Variants in IQCJ observed in about 807,000 individuals in gnomAD.
IQCJ encodes the protein IQ domain-containing protein J.
Under a neutral mutation model 11.0 loss-of-function variants are expected in IQCJ, and 9 were observed. The observed-to-expected ratio is 0.82, with a 90% confidence interval of 0.49 to 1.43. IQCJ has a LOEUF of 1.43. IQCJ is among the 40% of genes most tolerant of loss of function. The probability of loss-of-function intolerance (pLI) is 0.00; values close to 1 mark genes in which losing one functional copy is unlikely to be tolerated. For synonymous variants in IQCJ, 55 were observed against 51.3 expected (o/e 1.07, Z -0.31); for missense variants, 146 against 133.2 (o/e 1.10, Z -0.47).
intron 1 of IQCJ, among the ~76,000 whole-genome samples, chr3:159,159,891 C>T (rs1409414445): frequency 6.6e-6 from 1 of 151,654 alleles, no homozygotes; most frequent in Non-Finnish European, 1.5e-5. Flanking sequence ...TCCCACCTTC[C>T]CACCATGATT....
At chr3:159,166,096 G>A (rs542653525) in intron 1 of IQCJ, among the ~76,000 whole-genome samples, 2 of 151,714 alleles carry the variant, frequency 1.3e-5, no homozygotes, top group South Asian at 2.1e-4. Context: ...AATCCTAACA[G>A]ATTCATGCAA....
At chr3:159,201,831 G>A (rs915084718) in intron 1 of IQCJ, among the ~76,000 whole-genome samples, 1 of 151,804 alleles carries the variant, frequency 6.6e-6, no homozygotes, top group Middle Eastern at 3.2e-3. Flanking sequence ...TGTTGTTGTT[G>A]TTACTCTTTT....
intron 1 of IQCJ, among the ~76,000 whole-genome samples, chr3:159,240,229 A>G (rs546788853): frequency 1.6e-4 from 24 of 152,302 alleles, no homozygotes; most frequent in Non-Finnish European, 2.8e-4. Flanking sequence ...TCTATCTATC[A>G]TCTATCATCT....
intron 1 of IQCJ, among the ~76,000 whole-genome samples, chr3:159,218,930 T>A (rs1725386016): frequency 6.6e-6 from 1 of 152,060 alleles, no homozygotes; most frequent in Non-Finnish European, 1.5e-5. Context: ...CCCCAGCATG[T>A]CTTGGTTTAT....
intron 1 of IQCJ, among the ~76,000 whole-genome samples, chr3:159,072,224 TG>T (rs1162965895): frequency 2.6e-5 from 4 of 152,106 alleles, no homozygotes; most frequent in East Asian, 3.9e-4. Context: ...ACAAAATCCT[TG>T]GGAGCATTTT....
At chr3:159,215,329 A>C (rs1260017922) in intron 1 of IQCJ, among the ~76,000 whole-genome samples, 2 of 152,142 alleles carry the variant, frequency 1.3e-5, no homozygotes, top group African/African-American at 4.8e-5. Context: ...ACTAGGGAGG[A>C]CACCTTTACC....
At chr3:159,204,635 G>A (rs1338173679) in intron 1 of IQCJ, among the ~76,000 whole-genome samples, 1 of 152,212 alleles carries the variant, frequency 6.6e-6, no homozygotes, top group Non-Finnish European at 1.5e-5. Context: ...ATTGGCCCAG[G>A]TTCTTGGAGA....
intron 1 of IQCJ, among the ~76,000 whole-genome samples, chr3:159,156,168 C>T (rs1721509869): frequency 6.6e-6 from 1 of 152,064 alleles, no homozygotes; most frequent in Non-Finnish European, 1.5e-5. Context: ...TTTCTTAAGC[C>T]CTGCTATGTG....
At chr3:159,246,822 T>C (rs1727300691) in intron 2 of IQCJ, among the ~76,000 whole-genome samples, 1 of 152,192 alleles carries the variant, frequency 6.6e-6, no homozygotes, top group African/African-American at 2.4e-5. Context: ...AAAGAGAGGC[T>C]AAGTTGCTCT....
chr3:159,236,636 A>G (rs912515312), intron 1 of IQCJ, among the ~76,000 whole-genome samples: 4 of 152,198 alleles, frequency 2.6e-5, no homozygotes, highest in Non-Finnish European at 5.9e-5. Context: ...AGCATCATTT[A>G]CAGCCACTGA....
At chr3:159,163,005 C>T (rs918346983) in intron 1 of IQCJ, among the ~76,000 whole-genome samples, 2 of 152,194 alleles carry the variant, frequency 1.3e-5, no homozygotes, top group African/African-American at 4.8e-5. Context: ...CAAGGAGGAA[C>T]TGGTACCATT....
chr3:159,074,796 A>G lies in IQCJ; in HGVS notation c.9+5355A>G, dbSNP rs1399036174. The stretch of plus-strand genomic sequence containing the variant: ...TTCTTACAGCCAGTTTGAGTAACGA[A>G]TTATTATTATATTTTATTTTTTAAG... On this transcript the variant is annotated intron_variant, in intron 1 of 3. Coordinates refer to ENST00000397832, the MANE Select transcript of IQCJ (RefSeq NM_001042706.3). Among the ~76,000 whole-genome samples the G allele has an allele frequency of 2.6e-5, 4 of 152,090 alleles. No individual in the cohort carries two copies. The South Asian group carries it at 8.3e-4, about 31-fold the overall frequency.
chr3:159,253,598 C>G lies in IQCJ; in HGVS notation c.155+791C>G, dbSNP rs186702062. On this transcript the variant is annotated intron_variant, in intron 3 of 3. Transcript: ENST00000397832. ...TGTATATTTAATCTCTCTCCCCACC[C>G]TCTCCCTCACAAACACACACACACA... is the stretch of plus-strand genomic sequence containing the variant. Among the ~76,000 whole-genome samples, 147 of 121,686 alleles carry G rather than the reference C, an allele frequency of 1.2e-3. 2 individuals carry two copies. The highest frequency in any genetic ancestry group is 6.8e-4 in the Non-Finnish European group (39 of 56,972). The allele number at this position is 121,686 out of a possible 152,430, so 79.8% of individuals were successfully genotyped here. A position where few individuals can be genotyped will look rare whatever the true frequency, so the allele number is the denominator to read the frequency against.
rs1577063063 is a variant in IQCJ, at chr3:159,178,830, T to C, written c.10-67013T>C. Among the ~76,000 whole-genome samples the C allele has an allele frequency of 3.3e-5, 5 of 152,156 alleles. No homozygotes were observed. The South Asian group carries it at 1.0e-3, about 32-fold the overall frequency. ...CAGAGGGGTCATAAGTTGTCCAAGT[T>C]GCTCAACAGGAAAAAGATACAATCA... On this transcript the variant is annotated intron_variant, in intron 1 of 3. Coordinates refer to ENST00000397832, the MANE Select transcript of IQCJ (RefSeq NM_001042706.3).
At chr3:159,210,482 G>C (rs1433498500) in intron 1 of IQCJ, among the ~76,000 whole-genome samples, 1 of 152,102 alleles carries the variant, frequency 6.6e-6, no homozygotes, top group Non-Finnish European at 1.5e-5. Flanking sequence ...GTGTGTAATG[G>C]TAAGGAATGG....
At chr3:159,214,680 A>G (rs1041174865) in intron 1 of IQCJ, among the ~76,000 whole-genome samples, 9 of 152,082 alleles carry the variant, frequency 5.9e-5, no homozygotes, top group African/African-American at 1.4e-4. Context: ...GGCCCTTTCC[A>G]TCTTAGCACC....
intron 1 of IQCJ, among the ~76,000 whole-genome samples, chr3:159,208,398 A>G (rs142753195): frequency 1.3e-5 from 2 of 152,042 alleles, no homozygotes; most frequent in East Asian, 3.9e-4. Flanking sequence ...TGGTCTGCCC[A>G]CACTCTGCCC....
At chr3:159,069,666 G>A (rs552757613) in intron 1 of IQCJ, 9 of 633,774 alleles carry the variant, frequency 1.4e-5, no homozygotes, top group African/African-American at 7.3e-5. Flanking sequence ...ACATGTGTCT[G>A]TGCGGACAGA....
chr3:159,087,407 T>C (rs1036462218), intron 1 of IQCJ, among the ~76,000 whole-genome samples: 6 of 146,784 alleles, frequency 4.1e-5, no homozygotes, highest in Non-Finnish European at 9.0e-5. Flanking sequence ...TGCCTGGCTT[T>C]GGTATCAGGA....
Sources: allele counts gnomAD v4.1 joint callset (sites outside exome capture counted in the v4.1 genomes callset), GRCh38; gene constraint gnomAD v4.1.1; transcripts MANE v1.5; gene names NCBI Gene and HGNC (gene_info 2026-07-23, HGNC 2026-07-21).